Variants in BTBD8 observed in about 807,000 individuals in gnomAD.
The protein encoded by BTBD8 is BTB domain containing 8, also known as BTB/POZ domain-containing protein 8.
In BTBD8, 110 loss-of-function variants were observed where a neutral mutation model predicts 162.9. That is an observed-to-expected ratio of 0.68 (90% CI 0.58 to 0.79). BTBD8 has a LOEUF of 0.79. Ranked by LOEUF, BTBD8 falls within the 30% of genes least tolerant of loss-of-function variation. The pLI is 0.00. For synonymous variants in BTBD8, 667 were observed against 716.1 expected (o/e 0.93, Z 1.10); for missense variants, 1,905 against 2,085.4 (o/e 0.91, Z 1.68).
Position 92,080,485 on chromosome 1 carries a change from T to TA in BTBD8, c.-87_-86insA. The TA allele has an allele frequency of 6.4e-7, 1 of 1,558,102 alleles. No homozygotes were observed. Among genetic ancestry groups the TA allele is most frequent in the Non-Finnish European group, 8.6e-7 (1 of 1,157,698 alleles). On this transcript the variant is annotated 5_prime_UTR_variant, in exon 1 of 18. Transcript: ENST00000636805. Reference sequence around the variant, plus strand: ...GGCGGATTTGGGTAGGAGCCGAGCGTTCGGTCGGAAACGCCCCCTTCTTCC... The same window carrying TA: ...GGCGGATTTGGGTAGGAGCCGAGCGTATCGGTCGGAAACGCCCCCTTCTTCC...
intron 4 of BTBD8, among the ~76,000 whole-genome samples, chr1:92,127,861 G>A (rs182152027): frequency 1.3e-3 from 194 of 151,860 alleles, no homozygotes; most frequent in African/African-American, 4.6e-3. Flanking sequence ...GTGCCCGACC[G>A]AAGCTTTTTA....
intron 1 of BTBD8, among the ~76,000 whole-genome samples, chr1:92,083,484 G>T (rs1648078935): frequency 6.6e-6 from 1 of 152,090 alleles, no homozygotes; most frequent in South Asian, 2.1e-4. Flanking sequence ...TTAGGATGTA[G>T]GGGCATGTGG....
intron 3 of BTBD8, among the ~76,000 whole-genome samples, chr1:92,105,569 A>G (rs1233747430): frequency 1.3e-5 from 2 of 152,250 alleles, no homozygotes; most frequent in Non-Finnish European, 2.9e-5. Flanking sequence ...TATCTTAAAT[A>G]TCTCAAATGT....
intron 1 of BTBD8, among the ~76,000 whole-genome samples, chr1:92,088,395 A>G (rs1189729152): frequency 2.0e-5 from 3 of 152,234 alleles, no homozygotes; most frequent in Admixed American, 2.0e-4. Context: ...GAAAATCAAC[A>G]TAAGTAGCAG....
At chr1:92,101,027 G>A (rs920102746) in intron 2 of BTBD8, among the ~76,000 whole-genome samples, 2 of 152,212 alleles carry the variant, frequency 1.3e-5, no homozygotes, top group South Asian at 2.1e-4. Flanking sequence ...ACCCATCACC[G>A]GAGCAGTATA....
In BTBD8 at chr1:92,082,955, TA is replaced by T. The variant is rs1485951614; in HGVS notation, c.149+2236del. Among the ~76,000 whole-genome samples, 3 of 152,178 alleles carry T rather than the reference TA, an allele frequency of 2.0e-5. No individual in the cohort carries two copies. In the East Asian group the frequency reaches 5.8e-4, roughly 29 times the overall value. ...ATGAATCCTGTGAGGTAAGTCTTGT[TA>T]TTCTCATTTAACACAAGAGGAAACT... On this transcript the variant is annotated intron_variant, in intron 1 of 17. Transcript: ENST00000636805.
chr1:92,181,062 C>A lies in BTBD8; in HGVS notation c.3379C>A (p.Gln1127Lys). ...QIHLISDREN[Q>K]VGRKDTNKQS... ...CCATTTGATATCAGATAGGGAGAAC[C>A]AAGTAGGGAGAAAAGATACAAACAA... Residue 1127 changes from glutamine (Q) to lysine (K), a missense_variant, in exon 17 of 18, where the codon CAA (glutamine) becomes AAA (lysine). Gln to Lys is a moderately conservative substitution (Grantham distance 53). Around this residue, in one of 3 missense-constraint regions of BTBD8, gnomAD observed 1,374 missense variants for 1,442.7 expected, o/e 0.95. Transcript: ENST00000636805. The A allele has an allele frequency of 6.4e-7, 1 of 1,551,524 alleles. No individual in the cohort carries two copies. Among genetic ancestry groups the A allele is most frequent in the South Asian group, 1.2e-5 (1 of 84,060 alleles).
At chr1:92,146,824 G>T (rs1649935717) in intron 7 of BTBD8, among the ~76,000 whole-genome samples, 1 of 152,100 alleles carries the variant, frequency 6.6e-6, no homozygotes, top group South Asian at 2.1e-4. Flanking sequence ...TCATTGCACG[G>T]ATGTACTACA....
intron 7 of BTBD8, among the ~76,000 whole-genome samples, chr1:92,143,400 A>G (rs1389092366): frequency 6.6e-6 from 1 of 152,174 alleles, no homozygotes; most frequent in African/African-American, 2.4e-5. Context: ...TTAAAAACAC[A>G]AAAGACATTT....
chr1:92,153,487 G>A (rs528571772), intron 9 of BTBD8, among the ~76,000 whole-genome samples: 3 of 152,054 alleles, frequency 2.0e-5, no homozygotes, highest in South Asian at 2.1e-4. Context: ...CTCATCTTTC[G>A]TAACTGAAAC....
intron 6 of BTBD8, among the ~76,000 whole-genome samples, chr1:92,140,554 C>G (rs1649753321): frequency 6.6e-6 from 1 of 152,074 alleles, no homozygotes; most frequent in African/African-American, 2.4e-5. Context: ...GGTTTTGTCC[C>G]CTGGCAACCT....
chr1:92,087,470 A>G, intron 1 of BTBD8, among the ~76,000 whole-genome samples: 1 of 152,220 alleles, frequency 6.6e-6, no homozygotes, highest in East Asian at 1.9e-4. Context: ...CTATTTGGCC[A>G]TTATTTTCAA....
chr1:92,111,122 G>A (rs1267049441), intron 4 of BTBD8, among the ~76,000 whole-genome samples: 1 of 151,698 alleles, frequency 6.6e-6, no homozygotes, highest in Non-Finnish European at 1.5e-5. Context: ...CTCCCGAGTA[G>A]CTGGGTTTAC....
chr1:92,096,350 A>G (rs920906553), intron 2 of BTBD8, among the ~76,000 whole-genome samples: 2 of 151,646 alleles, frequency 1.3e-5, no homozygotes, highest in African/African-American at 4.9e-5. Context: ...TCATTGTATT[A>G]CTCCCTTTGC....
intron 7 of BTBD8, among the ~76,000 whole-genome samples, chr1:92,146,056 T>C (rs1243136380): frequency 2.6e-5 from 4 of 152,198 alleles, no homozygotes; most frequent in Admixed American, 1.3e-4. Context: ...GGGCCTCTCA[T>C]TGCACAATTA....
Position 92,171,480 on chromosome 1 carries a change from T to G in BTBD8, c.1635+20T>G. 7.0e-7 allele frequency: 1 copy of G among 1,419,424 alleles called. No homozygotes were observed. Among genetic ancestry groups the G allele is most frequent in the Non-Finnish European group, 9.5e-7 (1 of 1,048,768 alleles). 87.9% of individuals were successfully genotyped at this position (1,419,424 alleles called of 1,614,324 possible). On this transcript the variant is annotated intron_variant, in intron 13 of 17. Transcript: ENST00000636805. ...TCGCAGGTAAACTTTCTAAATTTTA[T>G]AGGTACAAATGAAAAAGATAACAAA...
At position 92,170,118 on chromosome 1, in the gene BTBD8, T is replaced by C. The variant is rs141891663; in HGVS notation, c.1573+1123T>C. On this transcript the variant is annotated intron_variant, in intron 12 of 17. Coordinates refer to ENST00000636805, the MANE Select transcript of BTBD8 (RefSeq NM_001376131.1). ...TTCTCTATTTTAGAGGATTTCATAG[T>C]TAAGTTGAGCTTCTGTGTTCTTTAA... is the stretch of plus-strand genomic sequence containing the variant. Among the ~76,000 whole-genome samples, 118 of 152,270 alleles carry C rather than the reference T, an allele frequency of 7.7e-4. No homozygotes were observed. In the South Asian group the frequency reaches 0.014, roughly 18 times the overall value.
chr1:92,085,029 G>A (rs11166127), intron 1 of BTBD8, among the ~76,000 whole-genome samples: 12,002 of 152,114 alleles, frequency 0.079, 1,360 homozygotes, highest in African/African-American at 0.25. Flanking sequence ...CATGCCCTCT[G>A]TGAGGTCTCC....
At chr1:92,159,392 G>A (rs1037427838) in intron 9 of BTBD8, among the ~76,000 whole-genome samples, 1 of 151,714 alleles carries the variant, frequency 6.6e-6, no homozygotes, top group Non-Finnish European at 1.5e-5. Context: ...GCTCAGGCTG[G>A]TCTCGAACTC....
Sources: allele counts gnomAD v4.1 joint callset (sites outside exome capture counted in the v4.1 genomes callset), GRCh38; gene constraint gnomAD v4.1.1; regional missense constraint gnomAD v4.1.1; transcripts MANE v1.5; gene names NCBI Gene and HGNC (gene_info 2026-07-23, HGNC 2026-07-21).